Variants in BRF1 observed in about 807,000 individuals in gnomAD.
BRF1 encodes the protein BRF1 general transcription factor IIIB subunit, also known as transcription factor IIIB 90 kDa subunit.
Under a neutral mutation model 81.7 loss-of-function variants are expected in BRF1, and 59 were observed. That is an observed-to-expected ratio of 0.72 (90% CI 0.59 to 0.90). BRF1 has a LOEUF of 0.90. Ranked by LOEUF, BRF1 falls within the 40% of genes least tolerant of loss-of-function variation. The probability of loss-of-function intolerance (pLI) is 0.00; values close to 1 mark genes in which losing one functional copy is unlikely to be tolerated. For missense variants in BRF1, 1,050 were observed against 936.3 expected, an observed-to-expected ratio of 1.12 and a Z score of -1.58; for synonymous variants, 491 against 395.6, an observed-to-expected ratio of 1.24 and a Z score of -2.86.
chr14:105,217,214 G>C (rs1416179682), intron 15 of BRF1: 8 of 458,410 alleles, frequency 1.7e-5, no homozygotes, highest in Non-Finnish European at 2.8e-5. Flanking sequence ...CGGCAGGGCT[G>C]GGGACTCTTC....
chr14:105,283,130 G>A (rs587644530), intron 2 of BRF1, among the ~76,000 whole-genome samples: 56 of 152,254 alleles, frequency 3.7e-4, no homozygotes, highest in African/African-American at 1.3e-3. Flanking sequence ...GAGGTACGGC[G>A]GGCCCAGCCA....
In BRF1 at chr14:105,226,670, C is replaced by G; in HGVS notation, c.879G>C (p.Ser293=). The change falls in exon 8 of 18, where the codon TCG becomes TCC. Residue 293 remains serine, a synonymous_variant. Transcript: ENST00000547530. Reference sequence around the variant, plus strand: ...GCAGCTTCCTCTGCCCAGCTGTGTACGAGGGGGGGTCGCACTCCTCCTCCA... The same window carrying G: ...GCAGCTTCCTCTGCCCAGCTGTGTAGGAGGGGGGGTCGCACTCCTCCTCCA... ...IDLEEECDPP[S]YTAGQRKLRM... 3 of 1,613,420 alleles carry G rather than the reference C, an allele frequency of 1.9e-6. No individual in the cohort carries two copies. The highest frequency in any genetic ancestry group is 2.5e-6 in the Non-Finnish European group (3 of 1,180,014).
At chr14:105,217,429 C>G (rs1385955783) in intron 15 of BRF1, 115 bp downstream of exon 15, 14 of 1,505,716 alleles carry the variant, frequency 9.3e-6, no homozygotes, top group Admixed American at 2.0e-5. Context: ...GCAAATGCCA[C>G]TCCAGGCACT....
intron 5 of BRF1, among the ~76,000 whole-genome samples, chr14:105,245,290 G>C (rs2055007097): frequency 1.3e-5 from 2 of 152,172 alleles, no homozygotes; most frequent in African/African-American, 4.8e-5. Flanking sequence ...GAACCTGGGA[G>C]GTGGAGGTTG....
rs1371849180 is a variant in BRF1, at chr14:105,271,329, G to A, written c.439+1392C>T. Among the ~76,000 whole-genome samples the A allele has an allele frequency of 6.6e-6, 1 of 152,210 alleles. No individual in the cohort carries two copies. The highest frequency in any genetic ancestry group is 1.5e-5 in the Non-Finnish European group (1 of 68,046). ...GAGATTTCTGAACGTGGAGATTAGA[G>A]GCAAGGAGCTGAAGCCCCGCAGCTG... On this transcript the variant is annotated intron_variant, in intron 3 of 17. Coordinates refer to ENST00000547530, the MANE Select transcript of BRF1 (RefSeq NM_001519.4). This position sits in a 1 kb window ranked among gnomAD's most constrained non-coding sequence, Gnocchi z 5.5.
chr14:105,259,059 C>T lies in BRF1; in HGVS notation c.440-2510G>A, dbSNP rs181064788. Among the ~76,000 whole-genome samples the T allele has an allele frequency of 4.0e-3, 611 of 152,304 alleles. 5 individuals carry two copies. The highest frequency in any genetic ancestry group is 3.9e-3 in the Non-Finnish European group (266 of 68,030). On this transcript the variant is annotated intron_variant, in intron 3 of 17. Transcript: ENST00000547530. ...ATGGAAGCGTGAAGTGGTACAACCA[C>T]CTTGGGAAAAGGCCTGGAAGTTTCT...
intron 4 of BRF1, among the ~76,000 whole-genome samples, chr14:105,255,732 G>A (rs1478394518): frequency 6.6e-6 from 1 of 152,228 alleles, no homozygotes; most frequent in Non-Finnish European, 1.5e-5. Flanking sequence ...ACTTTGTTCA[G>A]TCATGTGGAA....
chr14:105,251,111 G>C (rs1882846), intron 5 of BRF1: 46,947 of 194,734 alleles, frequency 0.24, 6,167 homozygotes, highest in South Asian at 0.28. Context: ...GTCAGTAAAT[G>C]ACTACAGCAG....
chr14:105,241,564 C>G lies in BRF1; in HGVS notation c.545-150G>C, dbSNP rs370041274. 5.1e-5 allele frequency: 52 copies of G among 1,028,608 alleles called. No individual in the cohort carries two copies. The African/African-American group carries it at 5.6e-4, about 11-fold the overall frequency. The allele number at this position is 1,028,608 out of a possible 1,614,324, so 63.7% of individuals were successfully genotyped here. A position where few individuals can be genotyped will look rare whatever the true frequency, so the allele number is the denominator to read the frequency against. Reference sequence around the variant, plus strand: ...TTCCCCTCCCCTGGACAAAGCCTCTCTGACCCTCAGCTAGGGCAGCCATCG... The same window carrying G: ...TTCCCCTCCCCTGGACAAAGCCTCTGTGACCCTCAGCTAGGGCAGCCATCG... On this transcript the variant is annotated intron_variant, in intron 5 of 17. Coordinates refer to ENST00000547530, the MANE Select transcript of BRF1 (RefSeq NM_001519.4).
chr14:105,219,786 C>T (rs1433866645), intron 12 of BRF1: 2 of 535,960 alleles, frequency 3.7e-6, no homozygotes, highest in East Asian at 6.2e-5. Flanking sequence ...GCCCCTGGTG[C>T]TATTTGTGCG....
rs143328000 is a variant in BRF1 at position 105,210,792 on chromosome 14, G to A, written c.1997-204C>T. Among the ~76,000 whole-genome samples the A allele has an allele frequency of 5.3e-3, 811 of 152,050 alleles. 4 individuals are homozygous for A. Among genetic ancestry groups the A allele is most frequent in the African/African-American group, 0.018 (762 of 41,438 alleles). On this transcript the variant is annotated intron_variant, in intron 17 of 17. Transcript: ENST00000547530. This position sits in a 1 kb window ranked among gnomAD's most constrained non-coding sequence, Gnocchi z 4.7. The stretch of plus-strand genomic sequence containing the variant: ...CACCCAGAGCAGGGCCTTGCTCCTC[G>A]TCGAGGGCACCTGAGAGCAGTGTGG...
intron 3 of BRF1, among the ~76,000 whole-genome samples, chr14:105,258,608 G>C (rs1314159672): frequency 1.3e-5 from 2 of 151,690 alleles, no homozygotes; most frequent in Non-Finnish European, 2.9e-5. Flanking sequence ...GACCAGCCTG[G>C]CCAACATGGT....
At position 105,256,912 on chromosome 14, in the gene BRF1, G is replaced by A. The variant is rs28609348; in HGVS notation, c.440-363C>T. Among the ~76,000 whole-genome samples, 548 of 152,248 alleles carry A rather than the reference G, an allele frequency of 3.6e-3. 1 individual carries two copies. Among genetic ancestry groups the A allele is most frequent in the African/African-American group, 0.013 (525 of 41,564 alleles). ...CTGCCCAGTCAGGTGCCCACCATAT[G>A]GTGGATCTGCTGCCCACACACAGCA... On this transcript the variant is annotated intron_variant, in intron 3 of 17. Coordinates refer to ENST00000547530, the MANE Select transcript of BRF1 (RefSeq NM_001519.4).
At chr14:105,242,937 G>A (rs373840428) in intron 5 of BRF1, among the ~76,000 whole-genome samples, 4 of 151,014 alleles carry the variant, frequency 2.6e-5, no homozygotes, top group East Asian at 4.0e-4. Context: ...GCAACATGGT[G>A]AAACCCCGTC....
chr14:105,264,616 G>A (rs990532027), intron 3 of BRF1, among the ~76,000 whole-genome samples: 2 of 144,920 alleles, frequency 1.4e-5, no homozygotes, highest in African/African-American at 2.6e-5. Context: ...GCAGTGAGCC[G>A]AGATTGTGCC....
At chr14:105,220,006 G>C in intron 12 of BRF1, 63 bp downstream of exon 12, 1 of 1,592,900 alleles carries the variant, frequency 6.3e-7, no homozygotes, top group Non-Finnish European at 8.5e-7. Context: ...ACCACTCAGG[G>C]CTCCTTGGGC....
chr14:105,250,005 G>A, intron 5 of BRF1: 1 of 1,612,826 alleles, frequency 6.2e-7, no homozygotes, highest in Non-Finnish European at 8.5e-7. Context: ...AAGAGGCAGG[G>A]GCTGCCAATC....
rs1487358097 is a variant in BRF1, at chr14:105,284,798, AC to A, written c.265+1497del. Among the ~76,000 whole-genome samples, 1 of 152,242 alleles carries A rather than the reference AC, an allele frequency of 6.6e-6. No homozygotes were observed. Among genetic ancestry groups the A allele is most frequent in the African/African-American group, 2.4e-5 (1 of 41,456 alleles). On this transcript the variant is annotated intron_variant, in intron 2 of 17. Transcript: ENST00000547530. The surrounding 1 kb of genome is among the most constrained non-coding windows in gnomAD (Gnocchi z 4.0). ...CTATTCAATGTGGTAAACAAAAAAA[AC>A]AAAAACAAAAAACAGGCACTAGACT...
chr14:105,302,247 A>G (rs1419362031), upstream of BRF1, among the ~76,000 whole-genome samples: 4 of 132,868 alleles, frequency 3.0e-5, no homozygotes, highest in Non-Finnish European at 6.2e-5. Context: ...TCTGTTGCCC[A>G]GGCTGGAGTG....
Sources: gnomAD v4.1 joint callset for allele counts (sites outside exome capture counted in the v4.1 genomes callset) on GRCh38, gnomAD v4.1.1 for gene constraint, Gnocchi (gnomAD v3.1) non-coding constraint, MANE v1.5 for transcripts, NCBI Gene and HGNC (gene_info 2026-07-23, HGNC 2026-07-21) for gene names.